Variants in CAMK2G observed in about 807,000 individuals in gnomAD.
CAMK2G encodes calcium/calmodulin-dependent protein kinase type II subunit gamma.
A neutral mutation model predicts 88.7 loss-of-function variants in CAMK2G; 23 were observed. The observed-to-expected ratio is 0.26, with a 90% CI of 0.19 to 0.37. The LOEUF (loss-of-function observed/expected upper bound fraction) is 0.37, where lower values mean the gene tolerates loss of function less well. Ranked by LOEUF, CAMK2G falls within the 10% of genes least tolerant of loss-of-function variation. CAMK2G has a pLI of 1.00. For missense variants in CAMK2G, 476 were observed against 780.8 expected (o/e 0.61, Z 4.65); for synonymous variants, 263 against 294.8 (o/e 0.89, Z 1.11).
rs561058168 is a variant in CAMK2G, at chr10:73,817,022, C to T, written c.1534+1G>A. 4 of 1,614,066 alleles carry T rather than the reference C, an allele frequency of 2.5e-6. No individual in the cohort carries two copies. The highest frequency in any genetic ancestry group is 2.7e-5 in the African/African-American group (2 of 75,006). Reference sequence around the variant, plus strand: ...TATATCAGCAGCACGAACCCACTCACGATTCTCAAAGTAAAACTTATGGAA... The same window carrying T: ...TATATCAGCAGCACGAACCCACTCATGATTCTCAAAGTAAAACTTATGGAA... On this transcript the variant is annotated splice_donor_variant, in intron 21 of 22. Coordinates refer to ENST00000423381, the MANE Select transcript of CAMK2G (RefSeq NM_001367534.1). LOFTEE classifies it high-confidence loss of function.
Position 73,848,514 on chromosome 10 carries a change from G to A in CAMK2G, c.601+12C>T, listed in dbSNP as rs375380112. The A allele has an allele frequency of 2.5e-6, 4 of 1,588,922 alleles. No individual in the cohort carries two copies. The African/African-American group carries it at 4.0e-5, about 16-fold the overall frequency. On this transcript the variant is annotated intron_variant, in intron 8 of 22. Transcript: ENST00000423381. This position sits in a 1 kb window ranked among gnomAD's most constrained non-coding sequence, Gnocchi z 4.5. ...TTAACAGCGAAAAGCTGAGAGCGTG[G>A]AATGGGCTTACCGCAGGCCCAGATA...
rs2675671 is a variant in CAMK2G at position 73,873,002 on chromosome 10, C to T, written c.147G>A (p.Lys49=). The change falls in exon 2 of 23, where the codon AAG becomes AAA. Residue 49 remains lysine, a synonymous_variant. Transcript: ENST00000423381. ...EYAAKIINTK[K]LSARDHQKLE... ...GGGAACACTCACCCCGGGCAGACAA[C>T]TTCTTGGTATTGATGATTTTTGCTG... is the stretch of plus-strand genomic sequence containing the variant. The T allele has an allele frequency of 0.5, 806,021 of 1,605,810 alleles. 214,091 individuals are homozygous for T. The highest frequency in any genetic ancestry group is 0.63 in the Middle Eastern group (3,799 of 6,046).
chr10:73,816,334 C>A, intron 21 of CAMK2G: 3 of 996,616 alleles, frequency 3.0e-6, no homozygotes, highest in Non-Finnish European at 3.6e-6. Flanking sequence ...CATTCTTATC[C>A]TGGTTTTAAT....
chr10:73,843,712 C>T (rs753614747), intron 10 of CAMK2G, among the ~76,000 whole-genome samples: 1 of 152,258 alleles, frequency 6.6e-6, no homozygotes, highest in Non-Finnish European at 1.5e-5. Flanking sequence ...GGGGCCTCCT[C>T]GCATCCTTTC....
At chr10:73,856,554 T>C (rs542270097) in intron 3 of CAMK2G, among the ~76,000 whole-genome samples, 1 of 152,264 alleles carries the variant, frequency 6.6e-6, no homozygotes, top group South Asian at 2.1e-4. Flanking sequence ...AAACCAGCAA[T>C]TACACAAATG....
intron 2 of CAMK2G, among the ~76,000 whole-genome samples, chr10:73,867,554 A>T (rs932670431): frequency 6.6e-6 from 1 of 152,172 alleles, no homozygotes; most frequent in Non-Finnish European, 1.5e-5. Flanking sequence ...AGGGAAAGAA[A>T]GGGAGGAGAA....
In CAMK2G at chr10:73,817,374, C is replaced by A. The variant is rs1589732871; in HGVS notation, c.1439+105G>T. The A allele has an allele frequency of 5.5e-6, 5 of 915,890 alleles. No homozygotes were observed. The East Asian group carries it at 7.5e-5, about 14-fold the overall frequency. 56.7% of individuals were successfully genotyped at this position (915,890 alleles called of 1,614,324 possible). ...GAGAGGGCTTAACTCAGATACTTTG[C>A]CCAAGGTCCAACCTCCCTTTCCCCA... On this transcript the variant is annotated intron_variant, in intron 20 of 22. Transcript: ENST00000423381.
intron 12 of CAMK2G, among the ~76,000 whole-genome samples, chr10:73,840,057 C>G (rs1461834038): frequency 6.6e-6 from 1 of 152,158 alleles, no homozygotes; most frequent in Admixed American, 6.5e-5. Flanking sequence ...TCTCTACATC[C>G]CACACACTAG....
chr10:73,860,950 GTT>G, intron 2 of CAMK2G, 61 bp from the exon 3 acceptor site: 1 of 1,177,254 alleles, frequency 8.5e-7, no homozygotes, highest in African/African-American at 1.5e-5. Context: ...TGGTCACCTT[GTT>G]ATTCATATTC....
intron 16 of CAMK2G, among the ~76,000 whole-genome samples, chr10:73,824,938 C>A (rs2090397904): frequency 6.6e-6 from 1 of 152,172 alleles, no homozygotes; most frequent in Admixed American, 6.5e-5. Flanking sequence ...AAGCTCCTAC[C>A]CTCTCCTTTC....
intron 14 of CAMK2G, among the ~76,000 whole-genome samples, chr10:73,834,364 C>T (rs1010522266): frequency 6.6e-6 from 1 of 152,212 alleles, no homozygotes; most frequent in Non-Finnish European, 1.5e-5. Context: ...GATATTGAAG[C>T]TCTTTTCTCA....
At chr10:73,861,195 A>G (rs2095356341) in intron 2 of CAMK2G, among the ~76,000 whole-genome samples, 1 of 152,168 alleles carries the variant, frequency 6.6e-6, no homozygotes, top group South Asian at 2.1e-4. Flanking sequence ...CCTGGGCCAG[A>G]TAGATAGTTA....
chr10:73,814,909 C>A, intron 22 of CAMK2G, 94 bp downstream of exon 22: 1 of 830,718 alleles, frequency 1.2e-6, no homozygotes, highest in South Asian at 1.6e-5. Context: ...GCCCACACCT[C>A]CTCTCCCAGG....
chr10:73,850,430 C>T (rs559671254), intron 5 of CAMK2G, among the ~76,000 whole-genome samples: 1 of 152,240 alleles, frequency 6.6e-6, no homozygotes, highest in Admixed American at 6.5e-5. Flanking sequence ...CCGCCCCCCC[C>T]CACCGCAGGG....
intron 2 of CAMK2G, among the ~76,000 whole-genome samples, chr10:73,867,401 C>G (rs930386386): frequency 6.6e-6 from 1 of 152,246 alleles, no homozygotes; most frequent in African/African-American, 2.4e-5. Context: ...GTTCTCCATG[C>G]CCCCCGGCAG....
rs923506149 is a variant in CAMK2G at position 73,839,287 on chromosome 10, C to T, written c.1009+252G>A. On this transcript the variant is annotated intron_variant, in intron 13 of 22. Transcript: ENST00000423381. The surrounding 1 kb of genome is among the most constrained non-coding windows in gnomAD (Gnocchi z 4.2). ...GGCATCGGGCTCTTGGCAAGGCTCC[C>T]GCTGCCCAGCTCCATGCCCCCAGGC... Among the ~76,000 whole-genome samples the T allele has an allele frequency of 6.6e-6, 1 of 152,242 alleles. No individual in the cohort carries two copies.
rs960070603 is a variant in CAMK2G at position 73,839,687 on chromosome 10, C to T, written c.947-86G>A. 1 of 893,398 alleles carries T rather than the reference C, an allele frequency of 1.1e-6. No individual in the cohort carries two copies. Among genetic ancestry groups the T allele is most frequent in the Non-Finnish European group, 1.5e-6 (1 of 678,308 alleles). 55.3% of individuals were successfully genotyped at this position (893,398 alleles called of 1,614,324 possible). A position where few individuals can be genotyped will look rare whatever the true frequency, so the allele number is the denominator to read the frequency against. ...GAGCATGCCCCAGCGCGAGGCGCAG[C>T]CCAGGCGGCGTGGCCAAGCCAGCCG... On this transcript the variant is annotated intron_variant, in intron 12 of 22. Coordinates refer to ENST00000423381, the MANE Select transcript of CAMK2G (RefSeq NM_001367534.1). This position sits in a 1 kb window ranked among gnomAD's most constrained non-coding sequence, Gnocchi z 4.2.
intron 1 of CAMK2G, chr10:73,873,620 A>AG: frequency 1.4e-6 from 1 of 690,212 alleles, no homozygotes; most frequent in Non-Finnish European, 1.8e-6. Context: ...ACTGACAGCA[A>AG]GGGAAGAGAG....
At chr10:73,815,836 C>G (rs189923060) in intron 21 of CAMK2G, 1 of 985,402 alleles carries the variant, frequency 1.0e-6, no homozygotes, top group East Asian at 1.1e-4. Flanking sequence ...GGGGAAAAGG[C>G]AAAAGAAGTT....
Sources: gnomAD v4.1 joint callset for allele counts (sites outside exome capture counted in the v4.1 genomes callset) on GRCh38, gnomAD v4.1.1 for gene constraint, Gnocchi (gnomAD v3.1) non-coding constraint, MANE v1.5 for transcripts, NCBI Gene and HGNC (gene_info 2026-07-23, HGNC 2026-07-21) for gene names.